The following COL14A1 variants were observed in gnomAD, a reference collection of about 807,000 sequenced individuals.
The protein encoded by COL14A1 is collagen alpha-1(XIV) chain.
COL14A1 carries 136 observed loss-of-function variants against 230.3 expected under a neutral mutation model. That is an observed-to-expected ratio of 0.59 (90% CI 0.51 to 0.68). The LOEUF (loss-of-function observed/expected upper bound fraction) is 0.68, where lower values mean the gene tolerates loss of function less well. Ranked by LOEUF, COL14A1 falls within the 30% of genes least tolerant of loss-of-function variation. The pLI, the probability that COL14A1 is intolerant of heterozygous loss-of-function variation, is 0.00. For missense variants in COL14A1, 1,976 were observed against 2,215.8 expected, an observed-to-expected ratio of 0.89 and a Z score of 2.17; for synonymous variants, 792 against 784.1, an observed-to-expected ratio of 1.01 and a Z score of -0.17.
chr8:120,231,613 G>A lies in COL14A1; in HGVS notation c.2344G>A (p.Gly782Arg), dbSNP rs1431988309. 3 of 1,613,360 alleles carry A rather than the reference G, an allele frequency of 1.9e-6. No individual in the cohort carries two copies. The highest frequency in any genetic ancestry group is 2.5e-6 in the Non-Finnish European group (3 of 1,179,702). ...AGGGGACCCTGAGGAAGAAGTCATA[G>A]GAACGGTCTGTATAAATTCAACTGA... ...AQGDPEEEVI[G>R]TVMVPGSQNN... Residue 782 changes from glycine to arginine, a missense_variant, in exon 19 of 48, where the codon GGA becomes AGA. By Grantham distance (125) the Gly-to-Arg change is moderately radical (BLOSUM62 -2). This residue lies in a region of COL14A1 where 1,791 missense variants were observed against 2,019.5 expected (regional missense o/e 0.89). Coordinates refer to ENST00000297848, the MANE Select transcript of COL14A1 (RefSeq NM_021110.4).
In COL14A1 at chr8:120,142,488, GT is replaced by G. The variant is rs562171766; in HGVS notation, c.-37-5316del. Among the ~76,000 whole-genome samples, 36 of 152,226 alleles carry G rather than the reference GT, an allele frequency of 2.4e-4. No individual in the cohort carries two copies. The South Asian group carries it at 7.0e-3, about 30-fold the overall frequency. On this transcript the variant is annotated intron_variant, in intron 1 of 47. Transcript: ENST00000297848. Reference sequence around the variant, plus strand: ...TAACCATTTTCCCAATGTCTTCTGTGTTCTGATAAATTAATCCAGGCTATAA... The same window carrying G: ...TAACCATTTTCCCAATGTCTTCTGTGTCTGATAAATTAATCCAGGCTATAA...
In COL14A1 at chr8:120,278,217, G is replaced by A; in HGVS notation, c.3320G>A (p.Gly1107Glu). The change falls in exon 27 of 48, where the codon GGA (glycine) becomes GAA (glutamate). Residue 1107 changes from glycine (G) to glutamate (E), a missense_variant. Gly to Glu is a moderately conservative substitution (Grantham distance 98). Around this residue, in one of 3 missense-constraint regions of COL14A1, gnomAD observed 1,791 missense variants for 2,019.5 expected, o/e 0.89. Transcript: ENST00000297848. ...LDAIKHISYK[G>E]GNTKTGKAIK... Reference sequence around the variant, plus strand: ...GCAATTAAACACATTTCATACAAAGGAGGAAATACAAAAACAGGTATGACC... The same window carrying A: ...GCAATTAAACACATTTCATACAAAGAAGGAAATACAAAAACAGGTATGACC... 6.2e-7 allele frequency: 1 copy of A among 1,607,306 alleles called. No individual in the cohort carries two copies. The highest frequency in any genetic ancestry group is 8.5e-7 in the Non-Finnish European group (1 of 1,177,710).
chr8:120,157,998 A>G (rs1402469222), intron 2 of COL14A1, 132 bp from the exon 3 acceptor site: 7 of 545,262 alleles, frequency 1.3e-5, no homozygotes, highest in Non-Finnish European at 2.2e-5. Context: ...AAGCATATGT[A>G]TATATATTAT....
rs554271666 is a variant in COL14A1, at chr8:120,296,847, G to C, written c.4237-664G>C. Among the ~76,000 whole-genome samples, 16 of 152,110 alleles carry C rather than the reference G, an allele frequency of 1.1e-4. No individual in the cohort carries two copies. The East Asian group carries it at 3.1e-3, about 29-fold the overall frequency. Reference sequence around the variant, plus strand: ...ACATAGCTTACATTCTCACAATACTGAATGTGAAGCTGTCATGACATTTGC... The same window carrying C: ...ACATAGCTTACATTCTCACAATACTCAATGTGAAGCTGTCATGACATTTGC... On this transcript the variant is annotated intron_variant, in intron 34 of 47. Coordinates refer to ENST00000297848, the MANE Select transcript of COL14A1 (RefSeq NM_021110.4).
At chr8:120,357,523 G>A (rs79719309) in intron 45 of COL14A1, among the ~76,000 whole-genome samples, 2 of 152,118 alleles carry the variant, frequency 1.3e-5, no homozygotes, top group Admixed American at 1.3e-4. Context: ...GAGTCACTAA[G>A]CCTGGCCCAC....
At chr8:120,211,265 G>A (rs762233425) in intron 12 of COL14A1, among the ~76,000 whole-genome samples, 65 of 152,100 alleles carry the variant, frequency 4.3e-4, no homozygotes, top group Admixed American at 8.5e-4. Context: ...TAGAGGAATG[G>A]AAAATAGTGG....
rs1460900379 is a variant in COL14A1 at position 120,310,066 on chromosome 8, A to T, written c.4455+4A>T. 3 of 1,609,050 alleles carry T rather than the reference A, an allele frequency of 1.9e-6. No individual in the cohort carries two copies. Among genetic ancestry groups the T allele is most frequent in the Non-Finnish European group, 2.6e-6 (3 of 1,176,376 alleles). ...GCAAGGTGAACCGGGTCCAAAGGTA[A>T]TGCGCATGTTTTCTCTCTCTCTCTG... On this transcript the variant is annotated splice_donor_region_variant and intron_variant, in intron 37 of 47. Transcript: ENST00000297848.
intron 23 of COL14A1, among the ~76,000 whole-genome samples, chr8:120,256,440 G>A (rs924147676): frequency 6.6e-6 from 1 of 152,158 alleles, no homozygotes; most frequent in African/African-American, 2.4e-5. Context: ...ACTGAGATAC[G>A]TGGAACATAC....
chr8:120,337,785 A>C (rs948937936), intron 42 of COL14A1, among the ~76,000 whole-genome samples: 1 of 152,214 alleles, frequency 6.6e-6, no homozygotes, highest in African/African-American at 2.4e-5. Flanking sequence ...ATGGGCCTTC[A>C]CTTGCTCAGG....
Position 120,228,730 on chromosome 8 carries a change from C to A in COL14A1, c.2158C>A (p.Pro720Thr). 6.2e-7 allele frequency: 1 copy of A among 1,613,820 alleles called. No individual in the cohort carries two copies. The highest frequency in any genetic ancestry group is 1.3e-5 in the African/African-American group (1 of 75,038). Residue 720 changes from proline (P) to threonine (T), a missense_variant, in exon 18 of 48, where the codon CCA becomes ACA. By Grantham distance (38) the Pro-to-Thr change is conservative (BLOSUM62 -1). This residue lies in a region of COL14A1 where 1,791 missense variants were observed against 2,019.5 expected (regional missense o/e 0.89). Transcript: ENST00000297848. ...GTTLDSFWTE[P>T]ATTIVPTTSV... ...TTTAGTTGACAGTTTTTGGACAGAA[C>A]CAGCTACAACCATAGTGCCTACCAC...
intron 2 of COL14A1, among the ~76,000 whole-genome samples, chr8:120,148,647 T>C (rs541423151): frequency 5.1e-4 from 78 of 152,358 alleles, no homozygotes; most frequent in Admixed American, 1.0e-3. Flanking sequence ...GATATTTCTA[T>C]CATTTCATAC....
intron 36 of COL14A1, among the ~76,000 whole-genome samples, chr8:120,303,690 A>G (rs1820782088): frequency 6.6e-6 from 1 of 152,050 alleles, no homozygotes; most frequent in Non-Finnish European, 1.5e-5. Context: ...TATTAGCTGG[A>G]ACTTTTCTTT....
intron 21 of COL14A1, among the ~76,000 whole-genome samples, chr8:120,248,735 C>T (rs939523940): frequency 1.3e-5 from 2 of 151,894 alleles, no homozygotes; most frequent in African/African-American, 2.4e-5. Flanking sequence ...ATGCACCGTA[C>T]CCCCAGCTAC....
At chr8:120,315,670 G>A (rs1821199752) in intron 39 of COL14A1, 84 bp downstream of exon 39, 1 of 1,154,748 alleles carries the variant, frequency 8.7e-7, no homozygotes, top group Non-Finnish European at 1.3e-6. Context: ...TCTGAAGTCA[G>A]TTGTGATCTT....
intron 2 of COL14A1, among the ~76,000 whole-genome samples, 158 bp from the exon 3 acceptor site, chr8:120,157,972 G>A (rs191279369): frequency 1.7e-4 from 26 of 152,252 alleles, no homozygotes; most frequent in Admixed American, 1.4e-3. Context: ...GCAACAGAGC[G>A]AGACTCCCTC....
rs532771532 is a variant in COL14A1, at chr8:120,286,602, C to T, written c.4077+632C>T. On this transcript the variant is annotated intron_variant, in intron 33 of 47. Transcript: ENST00000297848. ...TTGGCTCACTACAAGCTCTGCCTCC[C>T]GGGTTCACGCCATTCTCCTGCCTCA... is the stretch of plus-strand genomic sequence containing the variant. 8.5e-5 allele frequency among the ~76,000 whole-genome samples: 13 copies of T among 152,166 alleles called. No individual in the cohort carries two copies. In the East Asian group the frequency reaches 1.2e-3, roughly 14 times the overall value.
chr8:120,347,834 G>T (rs1327044892), intron 45 of COL14A1, among the ~76,000 whole-genome samples: 2 of 151,946 alleles, frequency 1.3e-5, no homozygotes, highest in Non-Finnish European at 2.9e-5. Flanking sequence ...AATGTTATAA[G>T]GACACAATAT....
intron 19 of COL14A1, among the ~76,000 whole-genome samples, chr8:120,235,900 G>T (rs952327248): frequency 3.9e-5 from 6 of 152,190 alleles, no homozygotes; most frequent in African/African-American, 1.4e-4. Context: ...GGAGCAGGTT[G>T]TTCAGTTTCC....
At chr8:120,220,868 T>C (rs1352318570) in intron 14 of COL14A1, among the ~76,000 whole-genome samples, 1 of 152,152 alleles carries the variant, frequency 6.6e-6, no homozygotes, top group Non-Finnish European at 1.5e-5. Context: ...ATGATGATGA[T>C]GATGACAACG....
Sources: gnomAD v4.1 joint callset for allele counts (sites outside exome capture counted in the v4.1 genomes callset) on GRCh38, gnomAD v4.1.1 for gene constraint, gnomAD v4.1.1 regional missense constraint, MANE v1.5 for transcripts, NCBI Gene and HGNC (gene_info 2026-07-23, HGNC 2026-07-21) for gene names.